The following CHCHD3 variants were observed in gnomAD, a reference collection of about 807,000 sequenced individuals.
CHCHD3 encodes coiled-coil-helix-coiled-coil-helix domain containing 3, also known as MICOS complex subunit MIC19.
Under a neutral mutation model 38.2 loss-of-function variants are expected in CHCHD3, and 20 were observed. That is an observed-to-expected ratio of 0.52 (90% CI 0.37 to 0.76). The LOEUF (loss-of-function observed/expected upper bound fraction) is 0.76, where lower values mean the gene tolerates loss of function less well. Among genes scored for constraint, CHCHD3 ranks in the 30% least tolerant of loss-of-function variants. The pLI, the probability that CHCHD3 is intolerant of heterozygous loss-of-function variation, is 0.00. For missense variants in CHCHD3, 245 were observed against 279.2 expected (o/e 0.88, Z 0.87); for synonymous variants, 82 against 100.0 (o/e 0.82, Z 1.07).
chr7:132,999,115 TC>T (rs1812498689), intron 3 of CHCHD3, among the ~76,000 whole-genome samples: 1 of 152,160 alleles, frequency 6.6e-6, no homozygotes, highest in Non-Finnish European at 1.5e-5. Flanking sequence ...AGAGACCCTG[TC>T]TCAAAACAAA....
intron 2 of CHCHD3, among the ~76,000 whole-genome samples, chr7:133,027,711 C>T (rs1051779804): frequency 1.3e-5 from 2 of 152,064 alleles, no homozygotes; most frequent in Non-Finnish European, 2.9e-5. Flanking sequence ...AAATATAAGC[C>T]TCTACTTTGA....
chr7:133,070,329 T>C (rs1814783547), intron 1 of CHCHD3, 100 bp from the exon 2 acceptor site: 5 of 848,842 alleles, frequency 5.9e-6, no homozygotes, highest in African/African-American at 1.7e-5. Flanking sequence ...TCCATACATA[T>C]GACGAATGCC....
chr7:132,812,859 C>T (rs1173706519), intron 6 of CHCHD3, among the ~76,000 whole-genome samples: 1 of 152,204 alleles, frequency 6.6e-6, no homozygotes, highest in Non-Finnish European at 1.5e-5. Flanking sequence ...CCCTTCAGAA[C>T]CCCAAAGGAG....
chr7:133,007,751 C>G (rs1432229914), intron 3 of CHCHD3, among the ~76,000 whole-genome samples: 1 of 152,182 alleles, frequency 6.6e-6, no homozygotes, highest in Non-Finnish European at 1.5e-5. Flanking sequence ...GATTAATTTA[C>G]TTGCCCTTTG....
At chr7:132,984,982 A>G (rs1812056707) in intron 3 of CHCHD3, among the ~76,000 whole-genome samples, 1 of 64,574 alleles carries the variant, frequency 1.5e-5, no homozygotes, top group Admixed American at 1.7e-4. Context: ...CTGGGAAGTG[A>G]GGAGTCCCTC....
At chr7:132,980,839 G>T (rs1325026932) in intron 3 of CHCHD3, among the ~76,000 whole-genome samples, 1 of 151,972 alleles carries the variant, frequency 6.6e-6, no homozygotes, top group Non-Finnish European at 1.5e-5. Flanking sequence ...TTAGTCCCAG[G>T]GTAAAAACTA....
intron 6 of CHCHD3, among the ~76,000 whole-genome samples, chr7:132,820,132 T>TA (rs199597552): frequency 2.0e-3 from 305 of 149,714 alleles, no homozygotes; most frequent in Non-Finnish European, 3.9e-3. Context: ...GGCAAGCTGT[T>TA]AAAAAAAAAA....
intron 4 of CHCHD3, among the ~76,000 whole-genome samples, chr7:132,898,781 T>C (rs1192825248): frequency 6.6e-6 from 1 of 152,162 alleles, no homozygotes; most frequent in Non-Finnish European, 1.5e-5. Flanking sequence ...CGGCGAGAAA[T>C]CGAGCGCAGC....
chr7:132,791,492 A>G (rs758686540), intron 7 of CHCHD3, among the ~76,000 whole-genome samples: 2 of 152,224 alleles, frequency 1.3e-5, no homozygotes, highest in Non-Finnish European at 2.9e-5. Flanking sequence ...TGTAGAGTTC[A>G]TCTGAAAACA....
intron 4 of CHCHD3, among the ~76,000 whole-genome samples, chr7:132,955,179 T>G (rs961717744): frequency 1.4e-5 from 2 of 141,332 alleles, no homozygotes; most frequent in African/African-American, 5.8e-5. Flanking sequence ...AGAGGGTGTG[T>G]GTGTGTGTGT....
intron 6 of CHCHD3, among the ~76,000 whole-genome samples, chr7:132,810,300 T>C (rs1807035615): frequency 6.6e-6 from 1 of 152,228 alleles, no homozygotes; most frequent in Non-Finnish European, 1.5e-5. Context: ...CATACGGGTG[T>C]ATAAGCACAC....
At chr7:133,031,789 T>C (rs1813511722) in intron 2 of CHCHD3, among the ~76,000 whole-genome samples, 2 of 152,184 alleles carry the variant, frequency 1.3e-5, no homozygotes, top group Non-Finnish European at 2.9e-5. Flanking sequence ...CTGCATAATA[T>C]AAGCAGCAGA....
intron 5 of CHCHD3, among the ~76,000 whole-genome samples, chr7:132,882,239 G>A (rs1002920725): frequency 8.6e-5 from 13 of 151,968 alleles, no homozygotes; most frequent in South Asian, 2.1e-4. Context: ...ACACCACAAG[G>A]GATTAGGTGA....
Position 132,900,046 on chromosome 7 carries a change from G to A in CHCHD3, c.370-14301C>T, listed in dbSNP as rs749886376. Reference sequence around the variant, plus strand: ...CAGGGGCAGACACTGTGTGGCAGCAGCGTTCCTTCTCTGCCTGACTTGGCA... The same window carrying A: ...CAGGGGCAGACACTGTGTGGCAGCAACGTTCCTTCTCTGCCTGACTTGGCA... On this transcript the variant is annotated intron_variant, in intron 4 of 7. Coordinates refer to ENST00000262570, the MANE Select transcript of CHCHD3 (RefSeq NM_017812.4). Among the ~76,000 whole-genome samples the A allele has an allele frequency of 1.4e-3, 212 of 152,326 alleles. 1 individual carries two copies. Among genetic ancestry groups the A allele is most frequent in the Non-Finnish European group, 2.4e-3 (166 of 68,026 alleles).
At chr7:133,009,281 T>C (rs1306721608) in intron 3 of CHCHD3, among the ~76,000 whole-genome samples, 3 of 149,526 alleles carry the variant, frequency 2.0e-5, no homozygotes, top group Admixed American at 6.8e-5. Context: ...GGAGAATCGC[T>C]TGAACCCAGG....
intron 4 of CHCHD3, among the ~76,000 whole-genome samples, chr7:132,908,364 C>T (rs369954651): frequency 6.6e-6 from 1 of 152,030 alleles, no homozygotes; most frequent in East Asian, 1.9e-4. Flanking sequence ...TATATAAAGT[C>T]CCAAACCTTA....
chr7:132,871,969 A>G (rs1808777355), intron 5 of CHCHD3, among the ~76,000 whole-genome samples: 1 of 152,244 alleles, frequency 6.6e-6, no homozygotes, highest in African/African-American at 2.4e-5. Context: ...GATGCCCAAC[A>G]CAGGCAGAGC....
Position 133,070,169 on chromosome 7 carries a change from G to T in CHCHD3, c.142C>A (p.Arg48=). The change falls in exon 2 of 8, where the codon CGG becomes AGG. Residue 48 remains arginine, a synonymous_variant. Coordinates refer to ENST00000262570, the MANE Select transcript of CHCHD3 (RefSeq NM_017812.4). ...GAGGCACCATAAGCACCAGAATACC[G>T]CTGAGACTTCGAACCAGATGGAGAG... ...ESSPSGSKSQ[R]YSGAYGASVS... is the part of the protein sequence containing the mutation. 6.2e-7 allele frequency: 1 copy of T among 1,612,450 alleles called. No homozygotes were observed. Among genetic ancestry groups the T allele is most frequent in the Non-Finnish European group, 8.5e-7 (1 of 1,179,820 alleles).
At chr7:132,986,087 T>A (rs1215593137) in intron 3 of CHCHD3, among the ~76,000 whole-genome samples, 2 of 150,408 alleles carry the variant, frequency 1.3e-5, no homozygotes, top group Non-Finnish European at 3.0e-5. Context: ...TGGGATCCTG[T>A]TGATCTGTGA....
Sources: allele counts gnomAD v4.1 joint callset (sites outside exome capture counted in the v4.1 genomes callset), GRCh38; gene constraint gnomAD v4.1.1; transcripts MANE v1.5; gene names NCBI Gene and HGNC (gene_info 2026-07-23, HGNC 2026-07-21).